The following RAB20 variants were observed in gnomAD, a reference collection of about 807,000 sequenced individuals.
RAB20 encodes the protein RAB20, member RAS oncogene family.
In RAB20, 2 loss-of-function variants were observed where a neutral mutation model predicts 3.7. That is an observed-to-expected ratio of 0.54 (90% CI 0.22 to 1.69). RAB20 has a LOEUF of 1.69. RAB20 is among the 40% of genes most tolerant of loss of function. The pLI, the probability that RAB20 is intolerant of heterozygous loss-of-function variation, is 0.19. For synonymous variants in RAB20, 126 were observed against 130.8 expected (o/e 0.96, Z 0.25); for missense variants, 276 against 311.9 (o/e 0.88, Z 0.87).
chr13:110,554,740 AG>A (rs1052560902), intron 1 of RAB20, among the ~76,000 whole-genome samples: 167 of 152,334 alleles, frequency 1.1e-3, no homozygotes, highest in African/African-American at 3.8e-3. Flanking sequence ...AGCCTGCATG[AG>A]CGAAGCAGCA....
chr13:110,535,159 T>C (rs550638787), intron 1 of RAB20, among the ~76,000 whole-genome samples: 27 of 152,256 alleles, frequency 1.8e-4, no homozygotes, highest in Non-Finnish European at 3.5e-4. Context: ...CTGGCAGAGA[T>C]GGAGAATGTA....
intron 1 of RAB20, among the ~76,000 whole-genome samples, chr13:110,532,843 T>A (rs1335906458): frequency 6.6e-6 from 1 of 152,124 alleles, no homozygotes; most frequent in East Asian, 1.9e-4. Context: ...TACACCCAGC[T>A]AATTTCTTTT....
At chr13:110,528,413 CAA>C (rs11386477) in intron 1 of RAB20, among the ~76,000 whole-genome samples, 3 of 122,440 alleles carry the variant, frequency 2.5e-5, no homozygotes. Context: ...AACTCCATCT[CAA>C]AAAAAAAAAA....
rs1884368386 is a variant in RAB20 at position 110,523,496 on chromosome 13, C to T, written c.*169G>A. ...TCTGACAGAGACTGAGGAGACCACACACGTTGACCTCCTCTTCATAGCCAG... is the reference window on the plus strand; with the variant it reads ...TCTGACAGAGACTGAGGAGACCACATACGTTGACCTCCTCTTCATAGCCAG... On this transcript the variant is annotated 3_prime_UTR_variant, in exon 2 of 2. Coordinates refer to ENST00000267328, the MANE Select transcript of RAB20 (RefSeq NM_017817.3). 3 of 1,257,468 alleles carry T rather than the reference C, an allele frequency of 2.4e-6. No individual in the cohort carries two copies. The South Asian group carries it at 4.7e-5, about 20-fold the overall frequency. 77.9% of individuals were successfully genotyped at this position (1,257,468 alleles called of 1,614,324 possible).
chr13:110,557,775 G>A (rs575172203), intron 1 of RAB20, among the ~76,000 whole-genome samples: 4 of 152,128 alleles, frequency 2.6e-5, no homozygotes, highest in African/African-American at 7.2e-5. Context: ...GGATGCAAAC[G>A]TGAGTCAGGT....
chr13:110,537,346 A>G (rs1448050394), intron 1 of RAB20, among the ~76,000 whole-genome samples: 1 of 151,894 alleles, frequency 6.6e-6, no homozygotes, highest in Non-Finnish European at 1.5e-5. Flanking sequence ...TGCCACCAGT[A>G]TAAGGAATAA....
At chr13:110,529,836 C>A (rs2139575112) in intron 1 of RAB20, among the ~76,000 whole-genome samples, 2 of 152,262 alleles carry the variant, frequency 1.3e-5, no homozygotes, top group South Asian at 4.1e-4. Flanking sequence ...GAGCCTGGGG[C>A]TCTAGGTTCG....
At chr13:110,554,844 C>T (rs1034160717) in intron 1 of RAB20, among the ~76,000 whole-genome samples, 18 of 152,208 alleles carry the variant, frequency 1.2e-4, no homozygotes, top group African/African-American at 4.1e-4. Context: ...CATCACGAGC[C>T]TTTCCTTGAA....
rs140747776 is a variant in RAB20, at chr13:110,552,784, C to T, written c.172+8564G>A. 1.8e-3 allele frequency among the ~76,000 whole-genome samples: 270 copies of T among 152,290 alleles called. 1 individual carries two copies. The highest frequency in any genetic ancestry group is 0.015 in the Admixed American group (235 of 15,300). ...TAAAGATAACAAAGCATGAAATTGT[C>T]TCCCAAAGGCATTCAGTGTGACTCA... On this transcript the variant is annotated intron_variant, in intron 1 of 1. Coordinates refer to ENST00000267328, the MANE Select transcript of RAB20 (RefSeq NM_017817.3).
At chr13:110,535,741 G>A (rs9515246) in intron 1 of RAB20, among the ~76,000 whole-genome samples, 99,272 of 151,768 alleles carry the variant, frequency 0.65, 32,662 homozygotes, top group Admixed American at 0.7. Context: ...CAGCGCCTCT[G>A]AGCGCCCACT....
chr13:110,548,944 G>A (rs917901563), intron 1 of RAB20, among the ~76,000 whole-genome samples: 14 of 152,182 alleles, frequency 9.2e-5, no homozygotes, highest in Non-Finnish European at 2.1e-4. Flanking sequence ...ACAGCCCAGG[G>A]CTCCAGCCAG....
intron 1 of RAB20, among the ~76,000 whole-genome samples, chr13:110,546,113 A>G (rs951637644): frequency 6.6e-6 from 1 of 152,032 alleles, no homozygotes; most frequent in African/African-American, 2.4e-5. Context: ...AGCCTCAGCC[A>G]TTTAATCCTT....
At chr13:110,551,915 C>A (rs1242950767) in intron 1 of RAB20, among the ~76,000 whole-genome samples, 1 of 39,432 alleles carries the variant, frequency 2.5e-5, no homozygotes, top group African/African-American at 7.1e-5. Flanking sequence ...ACCCCTGTCT[C>A]TACAAAAAAA....
chr13:110,539,748 C>T (rs1182628565), intron 1 of RAB20, among the ~76,000 whole-genome samples: 1 of 151,912 alleles, frequency 6.6e-6, no homozygotes, highest in African/African-American at 2.4e-5. Flanking sequence ...TTAGTAGAGA[C>T]GGGGTATCAC....
At chr13:110,553,902 G>A (rs1340006572) in intron 1 of RAB20, among the ~76,000 whole-genome samples, 1 of 152,184 alleles carries the variant, frequency 6.6e-6, no homozygotes, top group African/African-American at 2.4e-5. Flanking sequence ...GATCACTTTA[G>A]CCCAGGAGTT....
chr13:110,544,824 C>T (rs1395277009), intron 1 of RAB20, among the ~76,000 whole-genome samples: 1 of 152,218 alleles, frequency 6.6e-6, no homozygotes, highest in Non-Finnish European at 1.5e-5. Flanking sequence ...TATGGTTTGG[C>T]TGTGTCTCCG....
At chr13:110,527,981 T>G (rs1594128334) in intron 1 of RAB20, among the ~76,000 whole-genome samples, 1 of 151,220 alleles carries the variant, frequency 6.6e-6, no homozygotes, top group South Asian at 2.1e-4. Context: ...CGCATGCCTG[T>G]AGTCCCAGCT....
intron 1 of RAB20, among the ~76,000 whole-genome samples, chr13:110,541,091 C>T (rs901176646): frequency 1.3e-5 from 2 of 152,208 alleles, no homozygotes; most frequent in Non-Finnish European, 2.9e-5. Flanking sequence ...TTCAGCCTCT[C>T]ATCAACCCAA....
intron 1 of RAB20, among the ~76,000 whole-genome samples, chr13:110,544,915 G>T (rs7998064): frequency 1.3e-5 from 2 of 152,116 alleles, no homozygotes; most frequent in Non-Finnish European, 2.9e-5. Flanking sequence ...TTGAATCATG[G>T]GGGCATAGTC....
Sources: gnomAD v4.1 joint callset for allele counts (sites outside exome capture counted in the v4.1 genomes callset) on GRCh38, gnomAD v4.1.1 for gene constraint, MANE v1.5 for transcripts, NCBI Gene and HGNC (gene_info 2026-07-23, HGNC 2026-07-21) for gene names.